The following PDE4B variants were observed in gnomAD, a reference collection of about 807,000 sequenced individuals.
PDE4B encodes phosphodiesterase 4B.
PDE4B carries 20 observed loss-of-function variants against 82.2 expected under a neutral mutation model. That is an observed-to-expected ratio of 0.24 (90% confidence interval 0.17 to 0.35). The LOEUF (loss-of-function observed/expected upper bound fraction) is 0.35. PDE4B is among the 10% of genes least tolerant of loss of function. PDE4B has a pLI of 1.00. For missense variants in PDE4B, 655 were observed against 907.2 expected (o/e 0.72, Z 3.57); for synonymous variants, 320 against 318.9 (o/e 1.00, Z -0.04).
intron 3 of PDE4B, among the ~76,000 whole-genome samples, chr1:66,044,512 A>G (rs1654575039): frequency 6.6e-6 from 1 of 151,792 alleles, no homozygotes; most frequent in Non-Finnish European, 1.5e-5. Flanking sequence ...TTGCTTTAGC[A>G]GAGGGATCAC....
At chr1:66,009,243 A>T (rs1652329810) in intron 3 of PDE4B, among the ~76,000 whole-genome samples, 1 of 152,186 alleles carries the variant, frequency 6.6e-6, no homozygotes, top group South Asian at 2.1e-4. Flanking sequence ...TGCATCAGCA[A>T]ATCCTATCAG....
rs527532676 is a variant in PDE4B at position 65,825,552 on chromosome 1, A to G, written c.-71+32304A>G. ...TAATTATCTCAATAATCTGTTTGAA[A>G]ACATCTATTGGGGCCAGGTGCAGTG... On this transcript the variant is annotated intron_variant, in intron 1 of 16. Transcript: ENST00000341517. 1.1e-4 allele frequency among the ~76,000 whole-genome samples: 16 copies of G among 152,194 alleles called. No individual in the cohort carries two copies. In the East Asian group the frequency reaches 2.5e-3, roughly 24 times the overall value.
chr1:66,125,358 T>C (rs1645802261), intron 3 of PDE4B, among the ~76,000 whole-genome samples: 1 of 152,098 alleles, frequency 6.6e-6, no homozygotes, highest in Admixed American at 6.5e-5. Context: ...GAGATGGGGT[T>C]TCACCATGTT....
chr1:66,248,520 T>C (rs1187002928), intron 4 of PDE4B, among the ~76,000 whole-genome samples: 1 of 152,188 alleles, frequency 6.6e-6, no homozygotes, highest in Non-Finnish European at 1.5e-5. Context: ...AAAAAAATAT[T>C]CCTTGAGGCA....
At chr1:66,341,165 C>G (rs955589399) in intron 8 of PDE4B, among the ~76,000 whole-genome samples, 1 of 152,176 alleles carries the variant, frequency 6.6e-6, no homozygotes, top group African/African-American at 2.4e-5. Context: ...GATTAAAGTA[C>G]CTAATGTACT....
At chr1:66,304,809 T>C (rs1658154622) in intron 7 of PDE4B, among the ~76,000 whole-genome samples, 1 of 152,162 alleles carries the variant, frequency 6.6e-6, no homozygotes. Context: ...ACTACTGCTA[T>C]AGGACATTAC....
chr1:66,281,585 G>A (rs767103865), intron 7 of PDE4B, among the ~76,000 whole-genome samples: 2 of 152,204 alleles, frequency 1.3e-5, no homozygotes, highest in Non-Finnish European at 2.9e-5. Context: ...CTTGTGTTAG[G>A]AGCATATATG....
intron 1 of PDE4B, among the ~76,000 whole-genome samples, chr1:65,893,384 A>G (rs1646873060): frequency 6.6e-6 from 1 of 152,108 alleles, no homozygotes; most frequent in Admixed American, 6.6e-5. Context: ...AATGCTCAAC[A>G]TCACTAATCA....
chr1:66,214,919 G>A (rs1650334557), intron 3 of PDE4B, among the ~76,000 whole-genome samples: 1 of 152,146 alleles, frequency 6.6e-6, no homozygotes, highest in African/African-American at 2.4e-5. Context: ...GAAGTAAATA[G>A]CAATGAGAGA....
At chr1:66,040,801 A>G (rs907544674) in intron 3 of PDE4B, among the ~76,000 whole-genome samples, 6 of 151,940 alleles carry the variant, frequency 3.9e-5, no homozygotes, top group Admixed American at 6.6e-5. Flanking sequence ...GAAGACTTCA[A>G]GTGTTATAGT....
At chr1:66,303,369 A>G (rs1658038252) in intron 7 of PDE4B, among the ~76,000 whole-genome samples, 1 of 151,666 alleles carries the variant, frequency 6.6e-6, no homozygotes, top group East Asian at 1.9e-4. Context: ...ATATATATAT[A>G]TACACACACA....
rs188989736 is a variant in PDE4B, at chr1:66,207,794, T to A, written c.282-39666T>A. Reference sequence around the variant, plus strand: ...AGCCAGGCAGAAATTATATAATTATTCCTCCTGGATGGATCTTCTCATTCG... The same window carrying A: ...AGCCAGGCAGAAATTATATAATTATACCTCCTGGATGGATCTTCTCATTCG... On this transcript the variant is annotated intron_variant, in intron 3 of 16. Coordinates refer to ENST00000341517, the MANE Select transcript of PDE4B (RefSeq NM_002600.4). Among the ~76,000 whole-genome samples, 15 of 152,316 alleles carry A rather than the reference T, an allele frequency of 9.8e-5. No homozygotes were observed. The East Asian group carries it at 1.5e-3, about 16-fold the overall frequency.
At chr1:65,849,879 G>A (rs1646310639) in intron 1 of PDE4B, among the ~76,000 whole-genome samples, 1 of 152,080 alleles carries the variant, frequency 6.6e-6, no homozygotes, top group African/African-American at 2.4e-5. Flanking sequence ...GATTATTACA[G>A]CCAGTTATTG....
chr1:66,306,367 A>G (rs961462565), intron 7 of PDE4B, among the ~76,000 whole-genome samples: 1 of 152,190 alleles, frequency 6.6e-6, no homozygotes, highest in Non-Finnish European at 1.5e-5. Context: ...GAGACCAGTA[A>G]GAGAGTGACT....
chr1:65,805,664 A>G (rs1645747074), intron 1 of PDE4B, among the ~76,000 whole-genome samples: 1 of 152,184 alleles, frequency 6.6e-6, no homozygotes, highest in African/African-American at 2.4e-5. Context: ...CCTAAGGAAG[A>G]GTATTTAAAG....
intron 7 of PDE4B, among the ~76,000 whole-genome samples, chr1:66,328,655 C>T (rs1328314285): frequency 6.6e-6 from 1 of 152,222 alleles, no homozygotes; most frequent in Non-Finnish European, 1.5e-5. Context: ...TGGACAAGAT[C>T]CTAACCATCC....
intron 8 of PDE4B, among the ~76,000 whole-genome samples, chr1:66,345,545 A>C (rs1301707939): frequency 6.6e-6 from 1 of 152,190 alleles, no homozygotes; most frequent in African/African-American, 2.4e-5. Flanking sequence ...TGTGTCTACC[A>C]TGTTCACTAG....
intron 3 of PDE4B, among the ~76,000 whole-genome samples, chr1:66,144,432 T>C (rs1358556574): frequency 6.6e-6 from 1 of 152,182 alleles, no homozygotes; most frequent in Non-Finnish European, 1.5e-5. Flanking sequence ...TTTATAAAAA[T>C]TCCTGAAACT....
rs554906737 is a variant in PDE4B at position 66,371,314 on chromosome 1, A to G, written c.1846-999A>G. On this transcript the variant is annotated intron_variant, in intron 16 of 16. Coordinates refer to ENST00000341517, the MANE Select transcript of PDE4B (RefSeq NM_002600.4). The stretch of plus-strand genomic sequence containing the variant: ...TTTGACCATCTACCCCTAAATCCCA[A>G]TGCAGCATCTCTGTAGCTCCCCAGA... Among the ~76,000 whole-genome samples, 5 of 150,574 alleles carry G rather than the reference A, an allele frequency of 3.3e-5. No homozygotes were observed. The East Asian group carries it at 5.9e-4, about 18-fold the overall frequency.
Sources: gnomAD v4.1 joint callset for allele counts (sites outside exome capture counted in the v4.1 genomes callset) on GRCh38, gnomAD v4.1.1 for gene constraint, MANE v1.5 for transcripts, NCBI Gene and HGNC (gene_info 2026-07-23, HGNC 2026-07-21) for gene names.